The following ATP9A variants were observed in gnomAD, a reference collection of about 807,000 sequenced individuals.
ATP9A encodes the protein probable phospholipid-transporting ATPase IIA.
A neutral mutation model predicts 144.1 loss-of-function variants in ATP9A; 52 were observed. That is an observed-to-expected ratio of 0.36 (90% CI 0.29 to 0.45). The LOEUF (loss-of-function observed/expected upper bound fraction) is 0.45. Ranked by LOEUF, ATP9A falls within the 20% of genes least tolerant of loss-of-function variation. The probability of loss-of-function intolerance (pLI) is 1.00; values close to 1 mark genes in which losing one functional copy is unlikely to be tolerated. For synonymous variants in ATP9A, 582 were observed against 557.4 expected, an observed-to-expected ratio of 1.04 and a Z score of -0.62; for missense variants, 947 against 1,392.7, an observed-to-expected ratio of 0.68 and a Z score of 5.09.
chr20:51,643,455 G>A (rs182275921), intron 14 of ATP9A, among the ~76,000 whole-genome samples: 276 of 152,268 alleles, frequency 1.8e-3, no homozygotes, highest in African/African-American at 6.4e-3. Context: ...GTTGGAGATG[G>A]GGCCTCTGGG....
intron 4 of ATP9A, among the ~76,000 whole-genome samples, chr20:51,701,552 T>C (rs1044387574): frequency 2.6e-5 from 4 of 152,164 alleles, no homozygotes; most frequent in Non-Finnish European, 4.4e-5. Flanking sequence ...TTTAATCCTC[T>C]GTGTTTGCAG....
In ATP9A at chr20:51,604,995, C is replaced by T. The variant is rs1385007819; in HGVS notation, c.2829G>A (p.Leu943=). The part of the protein sequence containing the change: ...YQGSTIMYGA[L]LLFESEFVHI... ...GCACGAACTCCGACTCAAACAGCAG[C>T]AGCGCCCCGTACATGATGGTGCTCC... The change falls in exon 27 of 28, where the codon CTG becomes CTA. Residue 943 remains leucine, a synonymous_variant. Transcript: ENST00000338821. 6.2e-7 allele frequency: 1 copy of T among 1,611,732 alleles called. No homozygotes were observed. Among genetic ancestry groups the T allele is most frequent in the East Asian group, 2.2e-5 (1 of 44,686 alleles).
intron 13 of ATP9A, among the ~76,000 whole-genome samples, chr20:51,659,604 T>C (rs2077402930): frequency 6.6e-6 from 1 of 152,218 alleles, no homozygotes; most frequent in South Asian, 2.1e-4. Context: ...GAAATGTGTA[T>C]GGAGTTACCA....
intron 4 of ATP9A, among the ~76,000 whole-genome samples, chr20:51,708,373 A>T (rs1476825053): frequency 6.6e-6 from 1 of 151,780 alleles, no homozygotes; most frequent in Admixed American, 6.5e-5. Flanking sequence ...CAACAACAAT[A>T]AAAAAACCTG....
At chr20:51,734,729 G>T in intron 1 of ATP9A, 1 of 197,052 alleles carries the variant, frequency 5.1e-6, no homozygotes, top group South Asian at 9.7e-5. Flanking sequence ...AGTTCCTGAG[G>T]AACATGCACT....
chr20:51,687,604 GTATT>G (rs1388224354), intron 9 of ATP9A, among the ~76,000 whole-genome samples: 1 of 151,960 alleles, frequency 6.6e-6, no homozygotes, highest in Non-Finnish European at 1.5e-5. Flanking sequence ...CTCTAAAAAA[GTATT>G]TAAAAATTAG....
At chr20:51,731,303 AAAT>A (rs1387484158) in intron 1 of ATP9A, among the ~76,000 whole-genome samples, 1 of 152,000 alleles carries the variant, frequency 6.6e-6, no homozygotes, top group Non-Finnish European at 1.5e-5. Context: ...CGTCTCAAAT[AAAT>A]AAATAAATAA....
At chr20:51,653,606 G>A (rs2008933) in intron 14 of ATP9A, among the ~76,000 whole-genome samples, 2 of 151,856 alleles carry the variant, frequency 1.3e-5, no homozygotes, top group Admixed American at 1.3e-4. Context: ...GCTAACATGG[G>A]GAAAACCCTG....
At chr20:51,742,564 G>A (rs2077789640) in intron 1 of ATP9A, among the ~76,000 whole-genome samples, 1 of 151,928 alleles carries the variant, frequency 6.6e-6, no homozygotes, top group Non-Finnish European at 1.5e-5. Context: ...GCCCAGGCTG[G>A]AGTGCAGTGG....
intron 1 of ATP9A, among the ~76,000 whole-genome samples, chr20:51,743,556 C>A (rs995376458): frequency 2.0e-5 from 3 of 150,750 alleles, no homozygotes; most frequent in Admixed American, 2.0e-4. Context: ...TGCACCACCA[C>A]GCCAGGCTAA....
chr20:51,729,496 G>C (rs1019056077), intron 2 of ATP9A, among the ~76,000 whole-genome samples: 1 of 152,174 alleles, frequency 6.6e-6, no homozygotes, highest in Non-Finnish European at 1.5e-5. Context: ...TGTAATCCCA[G>C]CACTTTGAGA....
chr20:51,697,607 C>G (rs2077576131), intron 4 of ATP9A, 125 bp from the exon 5 acceptor site: 1 of 767,850 alleles, frequency 1.3e-6, no homozygotes, highest in Non-Finnish European at 2.2e-6. Flanking sequence ...CACACAGCTG[C>G]CAGTGACTCC....
chr20:51,642,144 T>C (rs772183862), intron 14 of ATP9A, among the ~76,000 whole-genome samples: 1 of 152,076 alleles, frequency 6.6e-6, no homozygotes, highest in Non-Finnish European at 1.5e-5. Flanking sequence ...ATCTGTTTTT[T>C]TTTGTTTGTT....
At chr20:51,678,602 C>T (rs900683196) in intron 9 of ATP9A, among the ~76,000 whole-genome samples, 1 of 152,208 alleles carries the variant, frequency 6.6e-6, no homozygotes, top group African/African-American at 2.4e-5. Flanking sequence ...ACAGGCAGCC[C>T]TCCCTTCAGG....
At chr20:51,613,499 C>CA (rs1283861338) in intron 23 of ATP9A, among the ~76,000 whole-genome samples, 178 bp downstream of exon 23, 2 of 152,142 alleles carry the variant, frequency 1.3e-5, no homozygotes, top group African/African-American at 4.8e-5. Context: ...GGAATGCAGC[C>CA]AGGTGGGGGA....
Position 51,611,160 on chromosome 20 carries a change from T to C in ATP9A, c.2572-995A>G, listed in dbSNP as rs2077183489. On this transcript the variant is annotated intron_variant, in intron 23 of 27. Transcript: ENST00000338821. The surrounding 1 kb of genome is among the most constrained non-coding windows in gnomAD (Gnocchi z 4.2). The stretch of plus-strand genomic sequence containing the variant: ...GCAGAGATACCCTAGTCATTAGAAA[T>C]AGCATCAGACCAGGGCTAGCTCCCC... Among the ~76,000 whole-genome samples the C allele has an allele frequency of 6.6e-6, 1 of 152,148 alleles. No homozygotes were observed. The highest frequency in any genetic ancestry group is 2.1e-4 in the South Asian group (1 of 4,828).
intron 1 of ATP9A, among the ~76,000 whole-genome samples, chr20:51,741,566 A>C (rs1383831678): frequency 2.0e-5 from 3 of 152,128 alleles, no homozygotes; most frequent in African/African-American, 7.2e-5. Flanking sequence ...AATAAGAGCA[A>C]AACTCCGTCT....
chr20:51,700,546 G>C (rs537091956), intron 4 of ATP9A, among the ~76,000 whole-genome samples: 2 of 152,138 alleles, frequency 1.3e-5, no homozygotes, highest in Non-Finnish European at 2.9e-5. Context: ...GAGAAAGAGA[G>C]AGCGCCGGGC....
intron 1 of ATP9A, among the ~76,000 whole-genome samples, chr20:51,767,178 G>T (rs2077908325): frequency 6.6e-6 from 1 of 151,726 alleles, no homozygotes; most frequent in African/African-American, 2.4e-5. Flanking sequence ...TGCAATAAGC[G>T]GCCGCCACCG....
Sources: allele counts gnomAD v4.1 joint callset (sites outside exome capture counted in the v4.1 genomes callset), GRCh38; gene constraint gnomAD v4.1.1; non-coding constraint Gnocchi (gnomAD v3.1); transcripts MANE v1.5; gene names NCBI Gene and HGNC (gene_info 2026-07-23, HGNC 2026-07-21).